UGT3A2: variants seen among roughly 807,000 people sequenced by gnomAD.
The protein encoded by UGT3A2 is UDP-glycosyltransferase 3A2.
Under a neutral mutation model 39.8 loss-of-function variants are expected in UGT3A2, and 32 were observed. The ratio of observed to expected loss-of-function variants is 0.80; its 90% CI spans 0.61 to 1.08. The LOEUF is 1.08. Ranked by LOEUF, UGT3A2 falls within the 50% of genes least tolerant of loss-of-function variation. UGT3A2 has a pLI of 0.00. For synonymous variants in UGT3A2, 241 were observed against 230.7 expected (o/e 1.04, Z -0.40); for missense variants, 611 against 637.1 (o/e 0.96, Z 0.44).
intron 2 of UGT3A2, 61 bp downstream of exon 2, chr5:36,064,188 G>A: frequency 6.8e-7 from 1 of 1,460,398 alleles, no homozygotes; most frequent in Non-Finnish European, 9.5e-7. Context: ...GCCTTTCTAT[G>A]CAAACAGCAT....
At chr5:36,056,179 C>A (rs912695340) in intron 2 of UGT3A2, among the ~76,000 whole-genome samples, 7 of 152,300 alleles carry the variant, frequency 4.6e-5, no homozygotes, top group South Asian at 2.1e-4. Context: ...CTGCTTGTCA[C>A]TTGTAGTTAT....
intron 2 of UGT3A2, among the ~76,000 whole-genome samples, chr5:36,059,040 G>T (rs1339986991): frequency 1.3e-5 from 2 of 152,114 alleles, no homozygotes; most frequent in Non-Finnish European, 2.9e-5. Context: ...GAAAGACAGG[G>T]ACTTGCAGAA....
chr5:36,038,244 C>T (rs1741895210), intron 5 of UGT3A2, among the ~76,000 whole-genome samples: 1 of 152,172 alleles, frequency 6.6e-6, no homozygotes, highest in African/African-American at 2.4e-5. Flanking sequence ...TCAGCTAAGG[C>T]TTAGAATTGA....
chr5:36,056,301 C>T (rs1742509885), intron 2 of UGT3A2, among the ~76,000 whole-genome samples: 2 of 152,240 alleles, frequency 1.3e-5, no homozygotes, highest in Non-Finnish European at 2.9e-5. Context: ...TGTCCTTCAA[C>T]ACTTAGCTTA....
chr5:36,048,776 T>A, intron 4 of UGT3A2, 113 bp downstream of exon 4: 1 of 1,468,608 alleles, frequency 6.8e-7, no homozygotes, highest in Non-Finnish European at 9.2e-7. Flanking sequence ...CCTAGGTGCC[T>A]CCCTTGCCTA....
chr5:36,040,140 A>G (rs569669021), intron 4 of UGT3A2, among the ~76,000 whole-genome samples: 34 of 152,192 alleles, frequency 2.2e-4, no homozygotes, highest in African/African-American at 7.9e-4. Context: ...GCTCCTCTTC[A>G]TCTACACAAA....
At chr5:36,046,783 G>C (rs1033213358) in intron 4 of UGT3A2, among the ~76,000 whole-genome samples, 1 of 152,184 alleles carries the variant, frequency 6.6e-6, no homozygotes, top group African/African-American at 2.4e-5. Context: ...ATAAAGAAAT[G>C]ATCAATGCCT....
intron 4 of UGT3A2, among the ~76,000 whole-genome samples, chr5:36,040,837 G>A (rs1741983290): frequency 6.6e-6 from 1 of 152,108 alleles, no homozygotes; most frequent in African/African-American, 2.4e-5. Flanking sequence ...AGGGAGTGCT[G>A]GTGTCACCCC....
intron 4 of UGT3A2, among the ~76,000 whole-genome samples, chr5:36,040,141 T>G (rs1032624901): frequency 6.6e-6 from 1 of 152,122 alleles, no homozygotes; most frequent in Non-Finnish European, 1.5e-5. Context: ...CTCCTCTTCA[T>G]CTACACAAAA....
chr5:36,059,357 T>TTC (rs1158067945), intron 2 of UGT3A2, among the ~76,000 whole-genome samples: 18 of 131,816 alleles, frequency 1.4e-4, no homozygotes, highest in African/African-American at 4.8e-4. Flanking sequence ...GTTATTTCTT[T>TTC]TCTCTTTTTT....
intron 2 of UGT3A2, among the ~76,000 whole-genome samples, chr5:36,059,649 T>C (rs1424356988): frequency 4.6e-5 from 7 of 152,150 alleles, no homozygotes; most frequent in Admixed American, 3.9e-4. Context: ...AGCCTCAGAT[T>C]TGCTTTCTCT....
rs1457872148 is a variant in UGT3A2 at position 36,048,925 on chromosome 5, T to TCCAA, written c.803_806dup (p.Gly270TrpfsTer9). 1 of 1,613,980 alleles carries TCCAA rather than the reference T, an allele frequency of 6.2e-7. No individual in the cohort carries two copies. On this transcript the variant is annotated frameshift_variant, in exon 4 of 7. Coordinates refer to ENST00000282507, the MANE Select transcript of UGT3A2 (RefSeq NM_174914.4). LOFTEE classifies it high-confidence loss of function. ...GTTTAATAGGTTTTTCCATCAAGCC[T>TCCAA]CCAACATAAACAGTGTTGGGAAGCA...
chr5:36,055,706 T>A (rs1742489342), intron 2 of UGT3A2, among the ~76,000 whole-genome samples: 1 of 152,214 alleles, frequency 6.6e-6, no homozygotes, highest in Non-Finnish European at 1.5e-5. Context: ...TTTTCTTTTA[T>A]CCCCAACTCC....
intron 4 of UGT3A2, among the ~76,000 whole-genome samples, chr5:36,044,713 A>G (rs1742114071): frequency 6.6e-6 from 1 of 151,404 alleles, no homozygotes; most frequent in African/African-American, 2.4e-5. Flanking sequence ...AGAAATCAAG[A>G]AAGTAATTAC....
chr5:36,040,723 A>C (rs1219493266), intron 4 of UGT3A2, among the ~76,000 whole-genome samples: 2 of 152,186 alleles, frequency 1.3e-5, no homozygotes, highest in African/African-American at 4.8e-5. Context: ...ACCGCAGGCT[A>C]AAGTGCTCTG....
At chr5:36,066,570 G>T in intron 1 of UGT3A2, 126 bp downstream of exon 1, 1 of 1,535,376 alleles carries the variant, frequency 6.5e-7, no homozygotes, top group Non-Finnish European at 8.9e-7. Flanking sequence ...CCCTCCTCCA[G>T]CCGGGTCCGC....
At chr5:36,045,864 T>C (rs992987555) in intron 4 of UGT3A2, among the ~76,000 whole-genome samples, 6 of 152,138 alleles carry the variant, frequency 3.9e-5, no homozygotes, top group African/African-American at 1.4e-4. Context: ...AAAATATGTG[T>C]GTAAATTCTT....
Position 36,035,550 on chromosome 5 carries a change from G to C in UGT3A2, c.*148C>G. On this transcript the variant is annotated 3_prime_UTR_variant, in exon 7 of 7. Coordinates refer to ENST00000282507, the MANE Select transcript of UGT3A2 (RefSeq NM_174914.4). ...TTGTAGCAAAATTAGCAAGTGGAAA[G>C]GATGATTTTTGGCCATTTTTCCTGT... 4.2e-6 allele frequency: 5 copies of C among 1,179,116 alleles called. No homozygotes were observed. In the South Asian group the frequency reaches 6.6e-5, roughly 15 times the overall value. 73.0% of individuals were successfully genotyped at this position (1,179,116 alleles called of 1,614,324 possible).
chr5:36,037,965 A>T lies in UGT3A2; in HGVS notation c.1127T>A (p.Met376Lys). The T allele has an allele frequency of 5.6e-6, 9 of 1,613,866 alleles. No individual in the cohort carries two copies. Among genetic ancestry groups the T allele is most frequent in the Non-Finnish European group, 7.6e-6 (9 of 1,179,932 alleles). ...FVTHGGQNSI[M>K]EAIQHGVPMV... Reference sequence around the variant, plus strand: ...GGGCACACCATGCTGGATGGCCTCCATTATGCTATTCTGCCCGCCGTGGGT... The same window carrying T: ...GGGCACACCATGCTGGATGGCCTCCTTTATGCTATTCTGCCCGCCGTGGGT... The change falls in exon 6 of 7, where the codon ATG (methionine) becomes AAG (lysine). Residue 376 changes from methionine to lysine, a missense_variant. Physicochemically the swap from Met to Lys is moderately conservative, Grantham distance 95 (BLOSUM62 -1). Transcript: ENST00000282507.
Sources: allele counts gnomAD v4.1 joint callset (sites outside exome capture counted in the v4.1 genomes callset), GRCh38; gene constraint gnomAD v4.1.1; transcripts MANE v1.5; gene names NCBI Gene and HGNC (gene_info 2026-07-23, HGNC 2026-07-21).